The following VAT1L variants were observed in gnomAD, a reference collection of about 807,000 sequenced individuals.
VAT1L encodes the protein putative NADPH-dependent quinone oxidoreductase VAT1L.
Under a neutral mutation model 44.1 loss-of-function variants are expected in VAT1L, and 34 were observed. The observed-to-expected ratio is 0.77, with a 90% CI of 0.59 to 1.03. VAT1L has a LOEUF of 1.03. Among genes scored for constraint, VAT1L ranks in the 50% least tolerant of loss-of-function variants. The pLI, the probability that VAT1L is intolerant of heterozygous loss-of-function variation, is 0.00. For missense variants in VAT1L, 615 were observed against 538.8 expected (o/e 1.14, Z -1.40); for synonymous variants, 253 against 202.2 (o/e 1.25, Z -2.13).
At chr16:77,966,494 C>T (rs1476001638) in intron 7 of VAT1L, among the ~76,000 whole-genome samples, 1 of 152,164 alleles carries the variant, frequency 6.6e-6, no homozygotes, top group African/African-American at 2.4e-5. Flanking sequence ...ACTTCAGATA[C>T]ATCGTAAGTG....
Position 77,971,863 on chromosome 16 carries a change from T to A in VAT1L, c.1091T>A (p.Met364Lys). ...CTTTTCGCGCAGGTGAAGGAGGCCA[T>A]GCAGCGGATTCACGACCGAGGGAAC... The part of the protein sequence containing the change: ...LWALEEVKEA[M>K]QRIHDRGNIG... The change falls in exon 8 of 9, where the codon ATG becomes AAG. Residue 364 changes from methionine (M) to lysine (K), a missense_variant. Met to Lys is a moderately conservative substitution (Grantham distance 95). Transcript: ENST00000302536. 4 of 1,613,848 alleles carry A rather than the reference T, an allele frequency of 2.5e-6. No homozygotes were observed. The highest frequency in any genetic ancestry group is 3.4e-6 in the Non-Finnish European group (4 of 1,179,858).
intron 3 of VAT1L, among the ~76,000 whole-genome samples, chr16:77,841,004 C>G (rs2016698714): frequency 6.6e-6 from 1 of 152,162 alleles, no homozygotes; most frequent in Non-Finnish European, 1.5e-5. Flanking sequence ...GTAACTTTAG[C>G]TTCAAACCTT....
intron 4 of VAT1L, among the ~76,000 whole-genome samples, chr16:77,875,062 T>G (rs1301816688): frequency 6.6e-6 from 1 of 152,208 alleles, no homozygotes; most frequent in East Asian, 1.9e-4. Context: ...AGGTTTGAGA[T>G]CCACTGTCCT....
Position 77,788,973 on chromosome 16 carries a change from G to C in VAT1L, c.233+58G>C, listed in dbSNP as rs1276139071. The C allele has an allele frequency of 7.7e-6, 11 of 1,427,898 alleles. No individual in the cohort carries two copies. In the East Asian group the frequency reaches 1.1e-4, roughly 14 times the overall value. 88.5% of individuals were successfully genotyped at this position (1,427,898 alleles called of 1,614,324 possible). On this transcript the variant is annotated intron_variant, in intron 1 of 8. Transcript: ENST00000302536. ...TTTTTGCGCGCTGGGCGCTGGGGAGGGGGTGGGAAAGCTGCGGCTGGGATG... is the reference window on the plus strand; with the variant it reads ...TTTTTGCGCGCTGGGCGCTGGGGAGCGGGTGGGAAAGCTGCGGCTGGGATG...
chr16:77,901,053 T>C (rs890432671), intron 7 of VAT1L, among the ~76,000 whole-genome samples: 2 of 150,518 alleles, frequency 1.3e-5, no homozygotes, highest in African/African-American at 4.9e-5. Context: ...AGGACTGGAA[T>C]GGGAGAAGAC....
chr16:77,973,636 T>C (rs899296155), intron 8 of VAT1L, among the ~76,000 whole-genome samples: 1 of 151,770 alleles, frequency 6.6e-6, no homozygotes. Flanking sequence ...TGTTTCTTCA[T>C]TTACATACAC....
chr16:77,877,402 C>T (rs1158604289), intron 5 of VAT1L, among the ~76,000 whole-genome samples: 4 of 149,666 alleles, frequency 2.7e-5, no homozygotes, highest in Middle Eastern at 3.6e-3. Flanking sequence ...CCCAGCTACT[C>T]GGGAGGCTGA....
rs1192170412 is a variant in VAT1L, at chr16:77,862,715, ATGTGTGACATAGCTAT to A, written c.580-29_580-14del. ...GACTGGCTATGATCTGGTGGCTCCT[ATGTGTGACATAGCTAT>A]TGTCTTTTCCTTCCAGGGTCAAGCT... On this transcript the variant is annotated splice_polypyrimidine_tract_variant and intron_variant, in intron 3 of 8. Transcript: ENST00000302536. The A allele has an allele frequency of 1.9e-6, 3 of 1,602,170 alleles. No individual in the cohort carries two copies. The highest frequency in any genetic ancestry group is 2.6e-6 in the Non-Finnish European group (3 of 1,174,874).
intron 3 of VAT1L, among the ~76,000 whole-genome samples, chr16:77,839,855 C>T (rs941542442): frequency 3.9e-5 from 6 of 152,172 alleles, no homozygotes; most frequent in African/African-American, 1.4e-4. Flanking sequence ...ATGCAAAGCA[C>T]ATTAAATATG....
chr16:77,822,901 G>A (rs1471911998), intron 2 of VAT1L, among the ~76,000 whole-genome samples: 2 of 152,094 alleles, frequency 1.3e-5, no homozygotes, highest in African/African-American at 2.4e-5. Flanking sequence ...CCCTGCCCCC[G>A]ACAGAGCTGC....
intron 3 of VAT1L, among the ~76,000 whole-genome samples, chr16:77,856,978 T>TA (rs1479662724): frequency 1.3e-5 from 2 of 152,158 alleles, no homozygotes; most frequent in Admixed American, 6.5e-5. Context: ...CACAAATACT[T>TA]ACACTAAAGG....
chr16:77,830,671 G>C (rs1217061397), intron 3 of VAT1L, among the ~76,000 whole-genome samples: 1 of 152,146 alleles, frequency 6.6e-6, no homozygotes, highest in African/African-American at 2.4e-5. Context: ...GGAACTGTGA[G>C]TCCATTAAAC....
intron 1 of VAT1L, chr16:77,800,730 T>C (rs2016032767): frequency 6.6e-6 from 1 of 152,254 alleles, no homozygotes; most frequent in African/African-American, 2.4e-5. Flanking sequence ...CAGTGCAGGT[T>C]ACAAAGCAGC....
intron 8 of VAT1L, among the ~76,000 whole-genome samples, chr16:77,976,303 T>C (rs934993191): frequency 2.0e-5 from 3 of 152,148 alleles, no homozygotes; most frequent in Admixed American, 6.5e-5. Context: ...AAGCTCATAA[T>C]AGGGAGATTG....
At chr16:77,936,590 G>GA (rs1201158279) in intron 7 of VAT1L, among the ~76,000 whole-genome samples, 1 of 151,864 alleles carries the variant, frequency 6.6e-6, no homozygotes, top group African/African-American at 2.4e-5. Context: ...CGGCAAAAAG[G>GA]AAAAAAAGGG....
chr16:77,804,101 G>C (rs2016113031), intron 1 of VAT1L, among the ~76,000 whole-genome samples: 1 of 152,200 alleles, frequency 6.6e-6, no homozygotes, highest in Non-Finnish European at 1.5e-5. Flanking sequence ...TGTGACATTA[G>C]TGCCTAGCCA....
chr16:77,973,048 T>A (rs1175124625), intron 8 of VAT1L, among the ~76,000 whole-genome samples: 1 of 151,798 alleles, frequency 6.6e-6, no homozygotes, highest in Non-Finnish European at 1.5e-5. Flanking sequence ...ACCAGGAGTA[T>A]AGCATGTCAA....
Position 77,978,846 on chromosome 16 carries a change from A to C in VAT1L, c.*1151A>C. ...TGTTCAACTTTTCAGCTCCTAAGGA[A>C]CCCCACCCCCATGCAATTTGACTGT... On this transcript the variant is annotated 3_prime_UTR_variant, in exon 9 of 9. Transcript: ENST00000302536. The C allele has an allele frequency of 6.6e-6, 1 of 152,142 alleles. No individual in the cohort carries two copies. The allele number at this position is 152,142 out of a possible 1,614,324, so 9.4% of individuals were successfully genotyped here. A position where few individuals can be genotyped will look rare whatever the true frequency, so the allele number is the denominator to read the frequency against.
chr16:77,951,748 G>A (rs2018045236), intron 7 of VAT1L, among the ~76,000 whole-genome samples: 1 of 151,950 alleles, frequency 6.6e-6, no homozygotes, highest in Admixed American at 6.6e-5. Flanking sequence ...ACACAGAAAG[G>A]ACTTCGGGGT....
Sources: allele counts gnomAD v4.1 joint callset (sites outside exome capture counted in the v4.1 genomes callset), GRCh38; gene constraint gnomAD v4.1.1; transcripts MANE v1.5; gene names NCBI Gene and HGNC (gene_info 2026-07-23, HGNC 2026-07-21).